Variants in FIG4 observed in about 807,000 individuals in gnomAD.
FIG4 encodes polyphosphoinositide phosphatase.
Under a neutral mutation model 118.6 loss-of-function variants are expected in FIG4, and 112 were observed. The ratio of observed to expected loss-of-function variants is 0.94; its 90% CI spans 0.81 to 1.11. The LOEUF (loss-of-function observed/expected upper bound fraction) is 1.11, where lower values mean the gene tolerates loss of function less well. Ranked by LOEUF, FIG4 falls within the 50% of genes least tolerant of loss-of-function variation. The pLI, the probability that FIG4 is intolerant of heterozygous loss-of-function variation, is 0.00. For missense variants in FIG4, 969 were observed against 1,111.7 expected (o/e 0.87, Z 1.83); for synonymous variants, 369 against 381.2 (o/e 0.97, Z 0.37).
At chr6:109,744,793 C>A (rs973047059) in intron 10 of FIG4, among the ~76,000 whole-genome samples, 1 of 151,432 alleles carries the variant, frequency 6.6e-6, no homozygotes. Flanking sequence ...TTCCCCTATC[C>A]CCCCACCCCC....
chr6:109,721,242 G>A (rs1416543022), intron 3 of FIG4, among the ~76,000 whole-genome samples: 2 of 152,178 alleles, frequency 1.3e-5, no homozygotes, highest in Admixed American at 6.5e-5. Flanking sequence ...AGACTAGTTA[G>A]GGGGCAGTAT....
At position 109,763,970 on chromosome 6, in the gene FIG4, T is replaced by C. The variant is rs1464050744; in HGVS notation, c.1422T>C (p.Thr474=). The change falls in exon 13 of 23, where the codon ACT becomes ACC. Residue 474 remains threonine (T), a synonymous_variant. Coordinates refer to ENST00000230124, the MANE Select transcript of FIG4 (RefSeq NM_014845.6). The part of the protein sequence containing the change: ...WNELGGCVIP[T]GRLQTGILRT... ...AACTAGGAGGATGTGTGATTCCCAC[T>C]GGTCGCCTGCAGGTATACACAGTAT... 6.2e-7 allele frequency: 1 copy of C among 1,609,050 alleles called. No homozygotes were observed. Among genetic ancestry groups the C allele is most frequent in the Non-Finnish European group, 8.5e-7 (1 of 1,175,466 alleles).
chr6:109,709,559 G>A (rs1194415323), intron 1 of FIG4, among the ~76,000 whole-genome samples: 1 of 152,196 alleles, frequency 6.6e-6, no homozygotes, highest in South Asian at 2.1e-4. Flanking sequence ...GGGCAGTATG[G>A]CCATTTTCAC....
chr6:109,698,124 G>C (rs914146523), intron 1 of FIG4, among the ~76,000 whole-genome samples: 48 of 151,632 alleles, frequency 3.2e-4, no homozygotes, highest in South Asian at 6.2e-4. Context: ...TTCTGACCTT[G>C]TGATCCGCCC....
intron 1 of FIG4, among the ~76,000 whole-genome samples, chr6:109,707,631 A>G (rs533679867): frequency 2.6e-5 from 4 of 151,892 alleles, no homozygotes; most frequent in Admixed American, 1.3e-4. Context: ...TTTCTCATCT[A>G]TAGTAAGCCA....
chr6:109,736,409 C>T (rs1333878657), intron 6 of FIG4, among the ~76,000 whole-genome samples: 1 of 152,122 alleles, frequency 6.6e-6, no homozygotes, highest in Non-Finnish European at 1.5e-5. Context: ...AGGTCAAACC[C>T]AGGGCACCCT....
At chr6:109,755,798 C>G (rs918015985) in intron 10 of FIG4, among the ~76,000 whole-genome samples, 1 of 152,152 alleles carries the variant, frequency 6.6e-6, no homozygotes, top group South Asian at 2.1e-4. Context: ...GGTAGATCTT[C>G]CTCCATCCTT....
chr6:109,727,311 TGCCCTGTTGC>T (rs1775853343), intron 4 of FIG4, 46 bp downstream of exon 4: 6 of 1,472,752 alleles, frequency 4.1e-6, no homozygotes, highest in African/African-American at 1.4e-5. Context: ...GACAAGGTCT[TGCCCTGTTGC>T]CCAGGCTGGA....
chr6:109,776,082 A>T (rs1273216609), intron 15 of FIG4, among the ~76,000 whole-genome samples: 1 of 152,166 alleles, frequency 6.6e-6, no homozygotes, highest in Non-Finnish European at 1.5e-5. Context: ...CTGAGACAAG[A>T]ATGGAAAGAA....
chr6:109,808,228 A>C (rs560261302), intron 22 of FIG4, among the ~76,000 whole-genome samples: 6 of 152,036 alleles, frequency 3.9e-5, no homozygotes, highest in African/African-American at 1.4e-4. Flanking sequence ...GGTCTGCAAA[A>C]CCCTCAAAAT....
intron 22 of FIG4, among the ~76,000 whole-genome samples, chr6:109,822,982 T>C (rs959090879): frequency 6.6e-6 from 1 of 151,884 alleles, no homozygotes; most frequent in Non-Finnish European, 1.5e-5. Context: ...GTGAATCTGA[T>C]GACAAATGAG....
chr6:109,716,624 A>G, intron 3 of FIG4, 56 bp downstream of exon 3: 1 of 1,593,946 alleles, frequency 6.3e-7, no homozygotes, highest in Non-Finnish European at 8.6e-7. Flanking sequence ...TGTCTTCTCT[A>G]CATAGACTAC....
chr6:109,734,796 A>C (rs1218500173), intron 5 of FIG4, among the ~76,000 whole-genome samples: 1 of 152,114 alleles, frequency 6.6e-6, no homozygotes, highest in Non-Finnish European at 1.5e-5. Flanking sequence ...TAGATCTATA[A>C]AACCCCATAC....
chr6:109,735,397 C>G (rs1319301257), intron 6 of FIG4, 99 bp downstream of exon 6: 1 of 1,201,314 alleles, frequency 8.3e-7, no homozygotes, highest in Non-Finnish European at 1.2e-6. Flanking sequence ...GTCCATCCCT[C>G]TTTGCTGTTT....
intron 6 of FIG4, 38 bp downstream of exon 6, chr6:109,735,336 G>T (rs754435724): frequency 6.4e-7 from 1 of 1,559,036 alleles, no homozygotes; most frequent in Non-Finnish European, 8.8e-7. Flanking sequence ...TATTAATGTG[G>T]TATCCATGAA....
At chr6:109,802,249 T>G (rs1434709412) in intron 22 of FIG4, among the ~76,000 whole-genome samples, 1 of 152,218 alleles carries the variant, frequency 6.6e-6, no homozygotes, top group African/African-American at 2.4e-5. Context: ...CCCATTTATT[T>G]TTGCCTTCCT....
chr6:109,811,729 C>CG (rs1429370023), intron 22 of FIG4, among the ~76,000 whole-genome samples: 1 of 152,018 alleles, frequency 6.6e-6, no homozygotes, highest in Non-Finnish European at 1.5e-5. Flanking sequence ...CAGGGGAATG[C>CG]GAGAGAGTGC....
chr6:109,709,703 T>G (rs917715626), intron 1 of FIG4, among the ~76,000 whole-genome samples: 4 of 152,200 alleles, frequency 2.6e-5, no homozygotes, highest in African/African-American at 9.7e-5. Context: ...TCCTAGGTGT[T>G]TTATTCTTTT....
At chr6:109,724,695 G>A (rs953371812) in intron 3 of FIG4, among the ~76,000 whole-genome samples, 5 of 151,974 alleles carry the variant, frequency 3.3e-5, no homozygotes, top group Non-Finnish European at 7.4e-5. Context: ...ATAGTACATA[G>A]GATCTTAAGA....
Sources: gnomAD v4.1 joint callset for allele counts (sites outside exome capture counted in the v4.1 genomes callset) on GRCh38, gnomAD v4.1.1 for gene constraint, MANE v1.5 for transcripts, NCBI Gene and HGNC (gene_info 2026-07-23, HGNC 2026-07-21) for gene names.